Variants in ZNF831 observed in about 807,000 individuals in gnomAD.
The protein encoded by ZNF831 is zinc finger protein 831, also known as chromosome 20 open reading frame 174.
A neutral mutation model predicts 95.8 loss-of-function variants in ZNF831; 59 were observed. The ratio of observed to expected loss-of-function variants is 0.62; its 90% CI spans 0.50 to 0.77. ZNF831 has a LOEUF of 0.77. ZNF831 is among the 30% of genes least tolerant of loss of function. ZNF831 has a pLI of 0.00. For synonymous variants in ZNF831, 961 were observed against 925.5 expected, an observed-to-expected ratio of 1.04 and a Z score of -0.70; for missense variants, 2,205 against 2,164.0, an observed-to-expected ratio of 1.02 and a Z score of -0.38.
chr20:59,218,012 T>C (rs969561175), intron 4 of ZNF831, among the ~76,000 whole-genome samples: 8 of 152,214 alleles, frequency 5.3e-5, no homozygotes, highest in African/African-American at 9.6e-5. Flanking sequence ...TGAGTTGATC[T>C]GCAGGCTGCC....
chr20:59,219,362 A>G (rs1232445328), intron 4 of ZNF831, among the ~76,000 whole-genome samples: 1 of 152,196 alleles, frequency 6.6e-6, no homozygotes, highest in Non-Finnish European at 1.5e-5. Flanking sequence ...TGGGAGCAGG[A>G]AGAGAGGCAA....
upstream of ZNF831, among the ~76,000 whole-genome samples, chr20:59,161,157 G>A (rs142509533): frequency 7.2e-5 from 11 of 152,168 alleles, no homozygotes; most frequent in African/African-American, 2.4e-4. Context: ...TTAAAGTGTC[G>A]GATTCAGTGG....
intron 1 of ZNF831, among the ~76,000 whole-genome samples, chr20:59,184,258 G>A (rs1234060954): frequency 1.3e-5 from 2 of 152,144 alleles, no homozygotes; most frequent in Non-Finnish European, 2.9e-5. Flanking sequence ...TTGTCTGGAT[G>A]TGTGTTTACT....
At chr20:59,200,383 C>T (rs1410554663) in intron 3 of ZNF831, among the ~76,000 whole-genome samples, 2 of 152,006 alleles carry the variant, frequency 1.3e-5, no homozygotes, top group African/African-American at 4.8e-5. Flanking sequence ...AACCTTGTTT[C>T]TCTGTGCTAT....
intron 1 of ZNF831, among the ~76,000 whole-genome samples, chr20:59,144,231 C>G (rs1412837549): frequency 2.6e-5 from 4 of 152,174 alleles, no homozygotes; most frequent in Non-Finnish European, 5.9e-5. Context: ...AATGATATGA[C>G]AGTCGCTTCC....
chr20:59,186,309 T>C (rs1983030061), intron 1 of ZNF831, among the ~76,000 whole-genome samples: 1 of 152,038 alleles, frequency 6.6e-6, no homozygotes, highest in East Asian at 1.9e-4. Context: ...CATCCCTTGC[T>C]AGAGGCGATG....
chr20:59,134,324 G>A (rs1340675470), intron 1 of ZNF831, among the ~76,000 whole-genome samples: 1 of 152,150 alleles, frequency 6.6e-6, no homozygotes, highest in Non-Finnish European at 1.5e-5. Flanking sequence ...TCTCTTGTCT[G>A]TATTTCCTTA....
chr20:59,214,412 C>T (rs1194779542), intron 4 of ZNF831, among the ~76,000 whole-genome samples: 3 of 152,152 alleles, frequency 2.0e-5, no homozygotes, highest in African/African-American at 7.2e-5. Context: ...CGTTTCATTT[C>T]TCACTTGGAA....
chr20:59,149,767 T>G (rs1980113594), intron 2 of ZNF831, among the ~76,000 whole-genome samples: 2 of 152,222 alleles, frequency 1.3e-5, no homozygotes, highest in African/African-American at 4.8e-5. Flanking sequence ...GGGCTGGAAC[T>G]TGCCCTGAGG....
intron 1 of ZNF831, among the ~76,000 whole-genome samples, chr20:59,131,542 G>A (rs933962649): frequency 6.6e-6 from 1 of 152,210 alleles, no homozygotes; most frequent in Non-Finnish European, 1.5e-5. Context: ...GTTTCTTGCT[G>A]CCTACTCTGC....
In ZNF831 at chr20:59,192,712, G is replaced by A. The variant is rs2146570276; in HGVS notation, c.1693G>A (p.Ala565Thr). The A allele has an allele frequency of 6.2e-7, 1 of 1,600,418 alleles. No homozygotes were observed. Among genetic ancestry groups the A allele is most frequent in the Non-Finnish European group, 8.5e-7 (1 of 1,174,520 alleles). Residue 565 changes from alanine (A) to threonine (T), a missense_variant, in exon 2 of 6, where the codon GCC (alanine) becomes ACC (threonine). Coordinates refer to ENST00000371030, the MANE Select transcript of ZNF831 (RefSeq NM_178457.3). This position sits in a 1 kb window ranked among gnomAD's most constrained non-coding sequence, Gnocchi z 5.2. ...SGHPRALVRQ[A>T]AVEDLPGTPI... ...GCATCCCCGGGCCCTGGTCAGACAG[G>A]CCGCGGTGGAGGACCTGCCAGGCAC...
chr20:59,185,158 T>C (rs1440356780), intron 1 of ZNF831, among the ~76,000 whole-genome samples: 2 of 152,170 alleles, frequency 1.3e-5, no homozygotes, highest in Non-Finnish European at 2.9e-5. Context: ...ATGGGGACAA[T>C]AGGACTTGCC....
In ZNF831 at chr20:59,194,016, T is replaced by C. The variant is rs1483153842; in HGVS notation, c.2997T>C (p.Gly999=). ...SPSPASGPSP[G]EADSILEDPS... ...GCCCAGCCTCAGGCCCCTCCCCAGG[T>C]GAGGCGGACAGCATCCTGGAGGACC... is the stretch of plus-strand genomic sequence containing the variant. The change falls in exon 2 of 6, where the codon GGT becomes GGC. Residue 999 remains glycine (G), a synonymous_variant. Transcript: ENST00000371030. The C allele has an allele frequency of 6.5e-7, 1 of 1,527,576 alleles. No homozygotes were observed. The highest frequency in any genetic ancestry group is 8.8e-7 in the Non-Finnish European group (1 of 1,139,586). 94.6% of individuals were successfully genotyped at this position (1,527,576 alleles called of 1,614,324 possible). A position where few individuals can be genotyped will look rare whatever the true frequency, so the allele number is the denominator to read the frequency against.
At chr20:59,222,424 C>T (rs1028253408) in intron 4 of ZNF831, among the ~76,000 whole-genome samples, 1 of 152,110 alleles carries the variant, frequency 6.6e-6, no homozygotes, top group Non-Finnish European at 1.5e-5. Flanking sequence ...CGGGCCCCCT[C>T]CGCCCCCGCC....
At chr20:59,151,090 G>C (rs986773615) in intron 2 of ZNF831, among the ~76,000 whole-genome samples, 2 of 152,196 alleles carry the variant, frequency 1.3e-5, no homozygotes, top group African/African-American at 4.8e-5. Flanking sequence ...TCTCTGGAGA[G>C]GCCCATGTTC....
chr20:59,220,720 C>A (rs2146672028), intron 4 of ZNF831, among the ~76,000 whole-genome samples: 1 of 152,290 alleles, frequency 6.6e-6, no homozygotes, highest in African/African-American at 2.4e-5. Flanking sequence ...GAAGAATCTG[C>A]TCCTTCTGAT....
At position 59,254,821 on chromosome 20, in the gene ZNF831, A is replaced by G; in HGVS notation, c.*78A>G. ...GTAAATGTTGTCAGGCTGGCGGAAG[A>G]ACTAAACTCTATCTGTGAAACACCT... On this transcript the variant is annotated 3_prime_UTR_variant, in exon 6 of 6. Coordinates refer to ENST00000371030, the MANE Select transcript of ZNF831 (RefSeq NM_178457.3). The surrounding 1 kb of genome is among the most constrained non-coding windows in gnomAD (Gnocchi z 4.5). 6.6e-7 allele frequency: 1 copy of G among 1,519,354 alleles called. No individual in the cohort carries two copies. The highest frequency in any genetic ancestry group is 8.8e-7 in the Non-Finnish European group (1 of 1,135,784). The allele number at this position is 1,519,354 out of a possible 1,614,324, so 94.1% of individuals were successfully genotyped here. A position where few individuals can be genotyped will look rare whatever the true frequency, so the allele number is the denominator to read the frequency against.
At chr20:59,196,089 A>C in intron 3 of ZNF831, 84 bp downstream of exon 3, 4 of 1,531,784 alleles carry the variant, frequency 2.6e-6, no homozygotes, top group Non-Finnish European at 3.5e-6. Context: ...CGTGTGCTCC[A>C]GAGAAAGAGT....
chr20:59,150,092 A>G (rs184482420), intron 2 of ZNF831, among the ~76,000 whole-genome samples: 142 of 152,376 alleles, frequency 9.3e-4, no homozygotes, highest in Admixed American at 2.9e-3. Context: ...CCTCACGTTC[A>G]CAATGGTAAC....
Sources: allele counts gnomAD v4.1 joint callset (sites outside exome capture counted in the v4.1 genomes callset), GRCh38; gene constraint gnomAD v4.1.1; non-coding constraint Gnocchi (gnomAD v3.1); transcripts MANE v1.5; gene names NCBI Gene and HGNC (gene_info 2026-07-23, HGNC 2026-07-21).